CDH18: variants seen among roughly 807,000 people sequenced by gnomAD.
CDH18 encodes the protein cadherin-18.
Under a neutral mutation model 67.9 loss-of-function variants are expected in CDH18, and 31 were observed. That is an observed-to-expected ratio of 0.46 (90% CI 0.34 to 0.62). CDH18 has a LOEUF of 0.62. Among genes scored for constraint, CDH18 ranks in the 20% least tolerant of loss-of-function variants. The pLI, the probability that CDH18 is intolerant of heterozygous loss-of-function variation, is 0.01. For missense variants in CDH18, 890 were observed against 975.5 expected, an observed-to-expected ratio of 0.91 and a Z score of 1.17; for synonymous variants, 362 against 347.2, an observed-to-expected ratio of 1.04 and a Z score of -0.48.
chr5:20,164,006 C>A (rs1314494164), intron 2 of CDH18, among the ~76,000 whole-genome samples: 1 of 150,348 alleles, frequency 6.7e-6, no homozygotes, highest in Admixed American at 6.6e-5. Flanking sequence ...TATTGATCAA[C>A]AACTCAACAA....
chr5:19,572,669 C>G (rs1319024004), intron 7 of CDH18, among the ~76,000 whole-genome samples: 2 of 152,150 alleles, frequency 1.3e-5, no homozygotes, highest in East Asian at 3.9e-4. Flanking sequence ...TCCCTTGTCT[C>G]TTCTTATAAA....
intron 6 of CDH18, among the ~76,000 whole-genome samples, chr5:19,593,732 C>CTTCT (rs879852430): frequency 1.5e-5 from 2 of 129,140 alleles, no homozygotes; most frequent in African/African-American, 6.0e-5. Flanking sequence ...TCTTCTTCTT[C>CTTCT]TTCTTCTTCT....
chr5:20,339,844 A>G (rs10073428), intron 1 of CDH18, among the ~76,000 whole-genome samples: 17,000 of 152,206 alleles, frequency 0.11, 1,589 homozygotes, highest in East Asian at 0.37. Context: ...GATTTTATGC[A>G]ACCCTTGAAT....
intron 1 of CDH18, among the ~76,000 whole-genome samples, chr5:20,421,530 C>T (rs1265627158): frequency 1.3e-5 from 2 of 150,656 alleles, no homozygotes; most frequent in South Asian, 4.1e-4. Flanking sequence ...CAGAACATTC[C>T]TAGATATAAG....
At chr5:19,674,882 C>A (rs901211322) in intron 5 of CDH18, among the ~76,000 whole-genome samples, 3 of 151,958 alleles carry the variant, frequency 2.0e-5, no homozygotes, top group Non-Finnish European at 4.4e-5. Context: ...TGAAGGATGG[C>A]AATAAAACAA....
At chr5:19,586,030 T>A (rs1428819297) in intron 7 of CDH18, among the ~76,000 whole-genome samples, 1 of 152,094 alleles carries the variant, frequency 6.6e-6, no homozygotes, top group East Asian at 1.9e-4. Flanking sequence ...AATAACACTC[T>A]CTTTCCCAAA....
At chr5:20,403,380 C>A (rs1745947071) in intron 1 of CDH18, among the ~76,000 whole-genome samples, 1 of 151,816 alleles carries the variant, frequency 6.6e-6, no homozygotes, top group South Asian at 2.1e-4. Flanking sequence ...ATCCTGTCAC[C>A]CAGATCGTGA....
At position 20,304,032 on chromosome 5, in the gene CDH18, C is replaced by A. The variant is rs561153457; in HGVS notation, c.-579-48527G>T. On this transcript the variant is annotated intron_variant, in intron 1 of 14. Transcript: ENST00000507958. ...AGCAACTTGGCAATAATTCCGCAGC[C>A]GACTTCGCGTGTTCAGGCATCCTTT... is the stretch of plus-strand genomic sequence containing the variant. 255 of 1,493,202 alleles carry A rather than the reference C, an allele frequency of 1.7e-4. 1 individual carries two copies. The East Asian group carries it at 5.7e-3, about 33-fold the overall frequency. The allele number at this position is 1,493,202 out of a possible 1,614,324, so 92.5% of individuals were successfully genotyped here. A position where few individuals can be genotyped will look rare whatever the true frequency, so the allele number is the denominator to read the frequency against.
intron 2 of CDH18, among the ~76,000 whole-genome samples, chr5:20,200,455 C>T (rs116326523): frequency 0.011 from 1,694 of 152,212 alleles, 32 homozygotes; most frequent in African/African-American, 0.038. Context: ...AGGCAGATGT[C>T]TTGAGCTCAG....
intron 2 of CDH18, among the ~76,000 whole-genome samples, chr5:19,995,087 TA>T (rs950280537): frequency 6.6e-6 from 1 of 151,592 alleles, no homozygotes; most frequent in Admixed American, 6.6e-5. Flanking sequence ...CTTTTTATTC[TA>T]CTCAGGCACT....
chr5:20,390,847 C>T (rs1005543746), intron 1 of CDH18, among the ~76,000 whole-genome samples: 10 of 152,032 alleles, frequency 6.6e-5, no homozygotes, highest in Middle Eastern at 3.4e-3. Context: ...GGGACATGAA[C>T]GAAGCTGGAA....
chr5:19,562,638 A>G (rs1298734794), intron 8 of CDH18, among the ~76,000 whole-genome samples: 1 of 152,172 alleles, frequency 6.6e-6, no homozygotes, highest in Non-Finnish European at 1.5e-5. Context: ...TAAGTTTCCA[A>G]TATGTTCACA....
chr5:20,390,135 A>G (rs1744708853), intron 1 of CDH18, among the ~76,000 whole-genome samples: 1 of 152,222 alleles, frequency 6.6e-6, no homozygotes, highest in Non-Finnish European at 1.5e-5. Context: ...AAAACTGACA[A>G]ATGGGATCTA....
chr5:20,215,534 G>A (rs1053428795), intron 2 of CDH18, among the ~76,000 whole-genome samples: 4 of 151,894 alleles, frequency 2.6e-5, no homozygotes, highest in Admixed American at 6.6e-5. Flanking sequence ...TAGTGGGAGT[G>A]TAAATTAGTT....
chr5:19,831,816 C>T (rs1201026284), intron 3 of CDH18, among the ~76,000 whole-genome samples: 1 of 152,074 alleles, frequency 6.6e-6, no homozygotes, highest in Non-Finnish European at 1.5e-5. Flanking sequence ...ATGTTCATTG[C>T]AGCACTATTC....
chr5:19,998,920 GAAAA>G (rs1282567032), intron 2 of CDH18, among the ~76,000 whole-genome samples: 1 of 151,708 alleles, frequency 6.6e-6, no homozygotes, highest in Non-Finnish European at 1.5e-5. Context: ...GGCAGTAAAT[GAAAA>G]AAATACAGAA....
chr5:20,233,717 G>A (rs928531040), intron 2 of CDH18, among the ~76,000 whole-genome samples: 1 of 151,920 alleles, frequency 6.6e-6, no homozygotes, highest in African/African-American at 2.4e-5. Flanking sequence ...GTATTCCATA[G>A]TATTGTTATC....
intron 3 of CDH18, among the ~76,000 whole-genome samples, chr5:19,764,821 T>TA (rs781756888): frequency 6.6e-6 from 1 of 152,182 alleles, no homozygotes; most frequent in Non-Finnish European, 1.5e-5. Context: ...AAAAACAAGG[T>TA]AAAATCTCAT....
At chr5:20,555,451 C>G (rs796990249) in intron 1 of CDH18, among the ~76,000 whole-genome samples, 1 of 72,766 alleles carries the variant, frequency 1.4e-5, no homozygotes, top group East Asian at 3.8e-4. Context: ...TTTTTTTTTT[C>G]TTTTTTCTTT....
Sources: gnomAD v4.1 joint callset for allele counts (sites outside exome capture counted in the v4.1 genomes callset) on GRCh38, gnomAD v4.1.1 for gene constraint, MANE v1.5 for transcripts, NCBI Gene and HGNC (gene_info 2026-07-23, HGNC 2026-07-21) for gene names.